Variants in DCAF6 observed in about 807,000 individuals in gnomAD.
The protein encoded by DCAF6 is DDB1- and CUL4-associated factor 6.
Under a neutral mutation model 125.1 loss-of-function variants are expected in DCAF6, and 54 were observed. The ratio of observed to expected loss-of-function variants is 0.43; its 90% CI spans 0.35 to 0.54. The LOEUF (loss-of-function observed/expected upper bound fraction) is 0.54. Ranked by LOEUF, DCAF6 falls within the 20% of genes least tolerant of loss-of-function variation. The probability of loss-of-function intolerance (pLI) is 0.01; values close to 1 mark genes in which losing one functional copy is unlikely to be tolerated. For missense variants in DCAF6, 934 were observed against 1,161.7 expected, an observed-to-expected ratio of 0.80 and a Z score of 2.85; for synonymous variants, 371 against 390.4, an observed-to-expected ratio of 0.95 and a Z score of 0.58.
At chr1:167,962,745 A>G (rs923793481) in intron 2 of DCAF6, among the ~76,000 whole-genome samples, 1 of 152,068 alleles carries the variant, frequency 6.6e-6, no homozygotes, top group Non-Finnish European at 1.5e-5. Context: ...ACCTGAGGTC[A>G]GGAGTTCAAG....
intron 7 of DCAF6, 66 bp from the exon 8 acceptor site, chr1:168,002,416 T>C: frequency 3.0e-6 from 4 of 1,342,822 alleles, no homozygotes; most frequent in Non-Finnish European, 3.2e-6. Flanking sequence ...ACATAAAGTA[T>C]GCTTTAAGAG....
intron 1 of DCAF6, among the ~76,000 whole-genome samples, chr1:167,949,324 A>G (rs188515421): frequency 1.3e-3 from 205 of 152,340 alleles, no homozygotes; most frequent in Admixed American, 3.1e-3. Flanking sequence ...GTTCTGGACT[A>G]TCTTCTCAGT....
chr1:167,947,726 G>A (rs1426893963), intron 1 of DCAF6, among the ~76,000 whole-genome samples: 1 of 152,164 alleles, frequency 6.6e-6, no homozygotes, highest in African/African-American at 2.4e-5. Flanking sequence ...TGTTGTCTGA[G>A]AAGGCACTTG....
intron 4 of DCAF6, among the ~76,000 whole-genome samples, chr1:167,981,253 T>C (rs142498195): frequency 6.6e-6 from 1 of 152,340 alleles, no homozygotes; most frequent in East Asian, 1.9e-4. Context: ...TTTGTAGGTT[T>C]AGATCTTTAA....
At chr1:167,920,410 C>A in the DCAF6 span, 1 of 926,344 alleles carries the variant, frequency 1.1e-6, no homozygotes, top group Non-Finnish European at 1.6e-6. Flanking sequence ...AACTTAATAA[C>A]TTCCTAGACA....
chr1:167,888,642 C>A, the DCAF6 span, among the ~76,000 whole-genome samples: 1 of 151,898 alleles, frequency 6.6e-6, no homozygotes, highest in Admixed American at 6.6e-5. Flanking sequence ...TTTGGGAGGC[C>A]GAGGCGGGCG....
chr1:167,987,062 A>T (rs1486053825), intron 4 of DCAF6, among the ~76,000 whole-genome samples: 1 of 152,214 alleles, frequency 6.6e-6, no homozygotes, highest in African/African-American at 2.4e-5. Context: ...TATGCACTTA[A>T]ATCATTTCAG....
intron 7 of DCAF6, among the ~76,000 whole-genome samples, chr1:167,997,686 A>C (rs1557952056): frequency 6.6e-6 from 1 of 152,160 alleles, no homozygotes; most frequent in Non-Finnish European, 1.5e-5. Flanking sequence ...AATAAATAAA[A>C]ATAAAAAGAG....
At chr1:167,904,173 C>T in the DCAF6 span, among the ~76,000 whole-genome samples, 3 of 151,052 alleles carry the variant, frequency 2.0e-5, no homozygotes, top group African/African-American at 7.3e-5. Flanking sequence ...CTGCAACCTC[C>T]GCCTCCCGGG....
chr1:167,993,140 C>A, intron 6 of DCAF6, 86 bp from the exon 7 acceptor site: 1 of 1,130,986 alleles, frequency 8.8e-7, no homozygotes, highest in Non-Finnish European at 1.2e-6. Flanking sequence ...CATTAAGTCA[C>A]ATGTAATAAT....
At chr1:167,940,862 G>C (rs1184705098) in intron 1 of DCAF6, among the ~76,000 whole-genome samples, 1 of 152,100 alleles carries the variant, frequency 6.6e-6, no homozygotes. Context: ...TGTATAAAAT[G>C]TGTAAATTAT....
chr1:167,896,591 T>C, the DCAF6 span: 22 of 1,605,682 alleles, frequency 1.4e-5, no homozygotes, highest in Non-Finnish European at 1.9e-5. Context: ...TGGTGGGTAC[T>C]TACTTTTGTG....
the DCAF6 span, chr1:167,896,759 C>T: frequency 1.6e-5 from 18 of 1,125,474 alleles, no homozygotes; most frequent in Non-Finnish European, 2.3e-5. Context: ...AGTGTAATTT[C>T]TTAGCAGAAA....
Position 168,075,649 on chromosome 1 carries a change from T to C in DCAF6, c.*214T>C. 1 of 469,744 alleles carries C rather than the reference T, an allele frequency of 2.1e-6. No individual in the cohort carries two copies. The highest frequency in any genetic ancestry group is 3.7e-6 in the Non-Finnish European group (1 of 269,334). 29.1% of individuals were successfully genotyped at this position (469,744 alleles called of 1,614,324 possible). A position where few individuals can be genotyped will look rare whatever the true frequency, so the allele number is the denominator to read the frequency against. On this transcript the variant is annotated 3_prime_UTR_variant, in exon 22 of 22. Coordinates refer to ENST00000367840, the MANE Select transcript of DCAF6 (RefSeq NM_001198956.2). ...ACTAGCAGAATGTTTTTAAAACTTT[T>C]TGCCGTGTATGAGGAGTGCTAGAAA...
intron 10 of DCAF6, among the ~76,000 whole-genome samples, chr1:168,014,056 T>G (rs1433463094): frequency 6.6e-6 from 1 of 152,166 alleles, no homozygotes; most frequent in Non-Finnish European, 1.5e-5. Flanking sequence ...CCTTGATTCT[T>G]TATAACCCTG....
intron 11 of DCAF6, among the ~76,000 whole-genome samples, chr1:168,022,494 T>C (rs983342603): frequency 6.6e-6 from 1 of 152,228 alleles, no homozygotes; most frequent in African/African-American, 2.4e-5. Flanking sequence ...ATTTTTCTTA[T>C]AAACCATTTT....
intron 2 of DCAF6, among the ~76,000 whole-genome samples, chr1:167,954,193 A>G (rs1674404370): frequency 6.6e-6 from 1 of 151,734 alleles, no homozygotes; most frequent in Non-Finnish European, 1.5e-5. Flanking sequence ...TCTAGTAGAG[A>G]CGGGGTTTCG....
Position 168,039,542 on chromosome 1 carries a change from G to A in DCAF6, c.1727+1054G>A, listed in dbSNP as rs1036065813. On this transcript the variant is annotated intron_variant, in intron 13 of 21. Transcript: ENST00000367840. ...AGAGCATACAAAATTTTTAAACTTA[G>A]GAATAGTAATCTATTAGTTAATATA... Among the ~76,000 whole-genome samples the A allele has an allele frequency of 2.0e-5, 3 of 149,132 alleles. No individual in the cohort carries two copies. The Admixed American group carries it at 2.0e-4, about 10-fold the overall frequency.
intron 1 of DCAF6, among the ~76,000 whole-genome samples, chr1:167,950,969 T>G (rs898447487): frequency 6.6e-6 from 1 of 152,234 alleles, no homozygotes; most frequent in Admixed American, 6.5e-5. Context: ...TAAAAATAGT[T>G]GGTACTTACT....
Sources: gnomAD v4.1 joint callset for allele counts (sites outside exome capture counted in the v4.1 genomes callset) on GRCh38, gnomAD v4.1.1 for gene constraint, MANE v1.5 for transcripts, NCBI Gene and HGNC (gene_info 2026-07-23, HGNC 2026-07-21) for gene names.